The following NFATC3 variants were observed in gnomAD, a reference collection of about 807,000 sequenced individuals.
NFATC3 encodes the protein nuclear factor of activated T-cells, cytoplasmic 3.
NFATC3 carries 46 observed loss-of-function variants against 98.6 expected under a neutral mutation model. The observed-to-expected ratio is 0.47, with a 90% CI of 0.37 to 0.60. The LOEUF (loss-of-function observed/expected upper bound fraction) is 0.60, where lower values mean the gene tolerates loss of function less well. Ranked by LOEUF, NFATC3 falls within the 20% of genes least tolerant of loss-of-function variation. NFATC3 has a pLI of 0.00. For missense variants in NFATC3, 1,256 were observed against 1,295.5 expected (o/e 0.97, Z 0.47); for synonymous variants, 512 against 472.2 (o/e 1.08, Z -1.09).
intron 5 of NFATC3, among the ~76,000 whole-genome samples, chr16:68,172,659 A>G (rs1045276987): frequency 2.0e-5 from 3 of 152,072 alleles, no homozygotes; most frequent in African/African-American, 7.2e-5. Context: ...ATGCATTCCT[A>G]TAGTCCCAGC....
chr16:68,157,798 A>G (rs2038695058), intron 3 of NFATC3, 71 bp from the exon 4 acceptor site: 6 of 1,208,310 alleles, frequency 5.0e-6, no homozygotes, highest in Non-Finnish European at 7.1e-6. Context: ...TAATAGACTT[A>G]CTATTGTTGG....
intron 5 of NFATC3, among the ~76,000 whole-genome samples, chr16:68,169,901 A>G (rs901906263): frequency 6.6e-6 from 1 of 151,846 alleles, no homozygotes; most frequent in Non-Finnish European, 1.5e-5. Context: ...AGATCACGCC[A>G]TTGCACTCCA....
intron 9 of NFATC3, chr16:68,221,566 T>G (rs2041865696): frequency 8.9e-7 from 1 of 1,123,950 alleles, no homozygotes; most frequent in Non-Finnish European, 1.1e-6. Context: ...GCACTAGGGA[T>G]TCAGGGGAAA....
intron 4 of NFATC3, among the ~76,000 whole-genome samples, chr16:68,160,291 C>G (rs891395199): frequency 6.6e-6 from 1 of 151,650 alleles, no homozygotes; most frequent in African/African-American, 2.4e-5. Flanking sequence ...TGGTGAAACC[C>G]CCAACTCTAC....
At chr16:68,148,249 C>T (rs1400155466) in intron 3 of NFATC3, among the ~76,000 whole-genome samples, 1 of 152,086 alleles carries the variant, frequency 6.6e-6, no homozygotes, top group Non-Finnish European at 1.5e-5. Flanking sequence ...CTCCCGACCT[C>T]GGGTGATCCA....
At chr16:68,109,187 C>A (rs1490984877) in intron 1 of NFATC3, among the ~76,000 whole-genome samples, 3 of 152,122 alleles carry the variant, frequency 2.0e-5, no homozygotes, top group African/African-American at 7.2e-5. Context: ...TTTTGCGTAT[C>A]CAGTATGACA....
At position 68,103,636 on chromosome 16, in the gene NFATC3, G is replaced by A. The variant is rs1265170978; in HGVS notation, c.103+17852G>A. Among the ~76,000 whole-genome samples the A allele has an allele frequency of 3.3e-5, 5 of 152,196 alleles. No homozygotes were observed. The East Asian group carries it at 7.7e-4, about 23-fold the overall frequency. ...CATCGCCAAATCTGAAGTCTTGACA[G>A]TGTACTCCTATTTTTGCTTCTAAGA... is the stretch of plus-strand genomic sequence containing the variant. On this transcript the variant is annotated intron_variant, in intron 1 of 9. Transcript: ENST00000346183.
intron 3 of NFATC3, among the ~76,000 whole-genome samples, chr16:68,133,884 T>A (rs9939821): frequency 0.22 from 32,658 of 147,126 alleles, 4,028 homozygotes; most frequent in African/African-American, 0.34. Flanking sequence ...CCCTTTTTTT[T>A]AAAAAAAAAA....
At chr16:68,095,299 A>G (rs981960696) in intron 1 of NFATC3, among the ~76,000 whole-genome samples, 2 of 151,500 alleles carry the variant, frequency 1.3e-5, no homozygotes, top group Non-Finnish European at 2.9e-5. Context: ...CAGCCTCTCA[A>G]GTAGCTGAAG....
intron 3 of NFATC3, among the ~76,000 whole-genome samples, chr16:68,141,897 C>T (rs1047889799): frequency 6.6e-6 from 1 of 151,914 alleles, no homozygotes; most frequent in African/African-American, 2.4e-5. Flanking sequence ...GGGTGATGTC[C>T]AGAAGTTTTT....
chr16:68,212,113 A>G (rs192162102), intron 9 of NFATC3, among the ~76,000 whole-genome samples: 190 of 152,294 alleles, frequency 1.2e-3, no homozygotes, highest in African/African-American at 4.4e-3. Flanking sequence ...AGTTGTGGAG[A>G]TTGGGAACCC....
chr16:68,162,515 G>T (rs1407047621), intron 4 of NFATC3, among the ~76,000 whole-genome samples: 1 of 151,904 alleles, frequency 6.6e-6, no homozygotes, highest in East Asian at 1.9e-4. Context: ...AGGCAATAAG[G>T]TGTGGAAAAA....
Position 68,122,783 on chromosome 16 carries a change from C to T in NFATC3, c.900C>T (p.Ser300=). The T allele has an allele frequency of 6.2e-7, 1 of 1,614,242 alleles. No individual in the cohort carries two copies. Among genetic ancestry groups the T allele is most frequent in the Non-Finnish European group, 8.5e-7 (1 of 1,180,050 alleles). ...CACCTGTTCCTTCACCTGGTCACTC[C>T]CCCAGGGGAAGTGTGACAGAAGATA... The part of the protein sequence containing the change: ...HHSPVPSPGH[S]PRGSVTEDTW... The change falls in exon 2 of 10, where the codon TCC becomes TCT. Residue 300 remains serine, a synonymous_variant. Transcript: ENST00000346183.
intron 1 of NFATC3, among the ~76,000 whole-genome samples, chr16:68,113,541 G>A (rs2036098362): frequency 6.6e-6 from 1 of 152,258 alleles, no homozygotes; most frequent in Non-Finnish European, 1.5e-5. Flanking sequence ...GGTGACCCCA[G>A]TTGGGAGGTC....
At chr16:68,193,370 A>C (rs1219449839) in intron 9 of NFATC3, among the ~76,000 whole-genome samples, 1 of 152,158 alleles carries the variant, frequency 6.6e-6, no homozygotes, top group African/African-American at 2.4e-5. Flanking sequence ...CAAGTTTCAC[A>C]GTCACCCTGT....
intron 9 of NFATC3, among the ~76,000 whole-genome samples, chr16:68,219,508 A>G (rs1008074234): frequency 6.6e-6 from 1 of 152,134 alleles, no homozygotes; most frequent in South Asian, 2.1e-4. Flanking sequence ...TCACGGCTGT[A>G]GTGAGCTATG....
chr16:68,096,166 G>C (rs946292941), intron 1 of NFATC3, among the ~76,000 whole-genome samples: 1 of 152,150 alleles, frequency 6.6e-6, no homozygotes, highest in South Asian at 2.1e-4. Context: ...GAGTCTTTCT[G>C]TGTTGCCCAG....
chr16:68,161,149 A>G (rs977640675), intron 4 of NFATC3, among the ~76,000 whole-genome samples: 2 of 152,352 alleles, frequency 1.3e-5, no homozygotes, highest in South Asian at 2.1e-4. Flanking sequence ...GAATGAGAAT[A>G]CAAGTAGGCT....
intron 1 of NFATC3, among the ~76,000 whole-genome samples, chr16:68,111,148 T>TCA (rs1159560688): frequency 2.0e-5 from 3 of 152,070 alleles, no homozygotes; most frequent in Non-Finnish European, 4.4e-5. Flanking sequence ...GTCTACTTGA[T>TCA]CACAGCTGAA....
Sources: gnomAD v4.1 joint callset for allele counts (sites outside exome capture counted in the v4.1 genomes callset) on GRCh38, gnomAD v4.1.1 for gene constraint, MANE v1.5 for transcripts, NCBI Gene and HGNC (gene_info 2026-07-23, HGNC 2026-07-21) for gene names.